The following CNTNAP2 variants were observed in gnomAD, a reference collection of about 807,000 sequenced individuals.
CNTNAP2 encodes contactin associated protein 2.
In CNTNAP2, 98 loss-of-function variants were observed where a neutral mutation model predicts 155.2. The observed-to-expected ratio is 0.63, with a 90% CI of 0.54 to 0.75. The LOEUF (loss-of-function observed/expected upper bound fraction) is 0.75. Among genes scored for constraint, CNTNAP2 ranks in the 30% least tolerant of loss-of-function variants. The probability of loss-of-function intolerance (pLI) is 0.00; values close to 1 mark genes in which losing one functional copy is unlikely to be tolerated. For missense variants in CNTNAP2, 1,727 were observed against 1,688.1 expected, an observed-to-expected ratio of 1.02 and a Z score of -0.40; for synonymous variants, 651 against 631.2, an observed-to-expected ratio of 1.03 and a Z score of -0.47.
At chr7:146,582,013 C>T (rs1454391164) in intron 1 of CNTNAP2, among the ~76,000 whole-genome samples, 1 of 152,110 alleles carries the variant, frequency 6.6e-6, no homozygotes, top group Admixed American at 6.5e-5. Flanking sequence ...CAGTGAAGAA[C>T]AAAAGAGTGA....
intron 14 of CNTNAP2, among the ~76,000 whole-genome samples, chr7:147,911,534 T>A (rs141522466): frequency 0.013 from 1,954 of 152,312 alleles, 49 homozygotes; most frequent in African/African-American, 0.044. Context: ...AAGTTGCAGC[T>A]GCACGTGGCA....
intron 1 of CNTNAP2, among the ~76,000 whole-genome samples, chr7:146,550,670 A>C (rs888538651): frequency 1.3e-5 from 2 of 152,138 alleles, no homozygotes; most frequent in South Asian, 2.1e-4. Flanking sequence ...GATTCTAATT[A>C]AGTATTAAGA....
intron 2 of CNTNAP2, among the ~76,000 whole-genome samples, chr7:146,838,262 A>C (rs778895103): frequency 1.1e-4 from 17 of 152,118 alleles, no homozygotes; most frequent in Non-Finnish European, 2.1e-4. Flanking sequence ...TATTTTATGG[A>C]TCACGTACTG....
At chr7:146,391,433 T>C (rs915292756) in intron 1 of CNTNAP2, among the ~76,000 whole-genome samples, 1 of 152,052 alleles carries the variant, frequency 6.6e-6, no homozygotes, top group Non-Finnish European at 1.5e-5. Flanking sequence ...CCCCTGTGTG[T>C]TTTTTGTGGG....
intron 1 of CNTNAP2, among the ~76,000 whole-genome samples, chr7:146,274,648 A>G (rs1381810839): frequency 6.6e-6 from 1 of 152,168 alleles, no homozygotes; most frequent in East Asian, 1.9e-4. Flanking sequence ...CAAGCCACCC[A>G]GGAGAGGCAG....
intron 10 of CNTNAP2, among the ~76,000 whole-genome samples, chr7:147,424,873 A>G (rs1280500737): frequency 6.6e-6 from 1 of 152,080 alleles, no homozygotes. Flanking sequence ...TTTGACCTTC[A>G]CATCCAGTCC....
At chr7:146,916,791 G>A (rs1796403504) in intron 3 of CNTNAP2, among the ~76,000 whole-genome samples, 1 of 151,766 alleles carries the variant, frequency 6.6e-6, no homozygotes, top group African/African-American at 2.4e-5. Context: ...TTTATCTTTT[G>A]TATTTTTTGT....
intron 1 of CNTNAP2, among the ~76,000 whole-genome samples, chr7:146,348,084 AC>A (rs1412539627): frequency 6.6e-6 from 1 of 152,120 alleles, no homozygotes; most frequent in African/African-American, 2.4e-5. Flanking sequence ...TAAACTTACT[AC>A]CACTCTATGA....
intron 16 of CNTNAP2, among the ~76,000 whole-genome samples, chr7:148,125,224 C>A (rs187304718): frequency 7.2e-4 from 109 of 152,166 alleles, no homozygotes; most frequent in African/African-American, 2.4e-3. Flanking sequence ...CTTAATCTCT[C>A]TCTGTCTCTT....
chr7:148,220,400 C>G (rs1585196722), intron 19 of CNTNAP2, among the ~76,000 whole-genome samples: 1 of 152,070 alleles, frequency 6.6e-6, no homozygotes, highest in East Asian at 1.9e-4. Context: ...TCGTGCCTGG[C>G]CAACATCATA....
At chr7:148,374,029 G>C (rs915862221) in intron 21 of CNTNAP2, among the ~76,000 whole-genome samples, 1 of 152,200 alleles carries the variant, frequency 6.6e-6, no homozygotes, top group African/African-American at 2.4e-5. Flanking sequence ...GTGACATGGA[G>C]CGTCAGTTAA....
Position 146,548,447 on chromosome 7 carries a change from C to T in CNTNAP2, c.98-225824C>T, listed in dbSNP as rs138728611. Among the ~76,000 whole-genome samples the T allele has an allele frequency of 2.5e-3, 383 of 152,044 alleles. 3 individuals carry two copies. The highest frequency in any genetic ancestry group is 9.3e-3 in the Admixed American group (142 of 15,218). ...GAATATACACTTTTGACTCAACAAT[C>T]CCATTACTGGGTATATACCCAAAGG... On this transcript the variant is annotated intron_variant, in intron 1 of 23. Coordinates refer to ENST00000361727, the MANE Select transcript of CNTNAP2 (RefSeq NM_014141.6).
At chr7:146,320,613 G>T (rs1800984268) in intron 1 of CNTNAP2, among the ~76,000 whole-genome samples, 1 of 152,026 alleles carries the variant, frequency 6.6e-6, no homozygotes, top group Non-Finnish European at 1.5e-5. Flanking sequence ...CATACTGAGG[G>T]TTTGGAGATA....
intron 11 of CNTNAP2, among the ~76,000 whole-genome samples, chr7:147,498,788 G>GTT (rs146690500): frequency 3.9e-5 from 6 of 152,020 alleles, no homozygotes; most frequent in East Asian, 3.9e-4. Flanking sequence ...CAAAGTGGTA[G>GTT]TTTTTTTTCC....
At chr7:147,464,740 G>T (rs562712289) in intron 10 of CNTNAP2, among the ~76,000 whole-genome samples, 3 of 152,270 alleles carry the variant, frequency 2.0e-5, no homozygotes, top group South Asian at 2.1e-4. Flanking sequence ...CAACAGAAAA[G>T]CATACACACA....
chr7:147,906,483 T>C (rs756807946), intron 14 of CNTNAP2, among the ~76,000 whole-genome samples: 12 of 150,894 alleles, frequency 8.0e-5, no homozygotes, highest in Non-Finnish European at 1.3e-4. Context: ...AGATCTTTAT[T>C]TTTTTTATTT....
chr7:147,581,316 A>T (rs1012480913), intron 12 of CNTNAP2, among the ~76,000 whole-genome samples: 1 of 152,216 alleles, frequency 6.6e-6, no homozygotes, highest in Non-Finnish European at 1.5e-5. Flanking sequence ...ACAGAAGTAA[A>T]AGTATTTATT....
intron 3 of CNTNAP2, among the ~76,000 whole-genome samples, chr7:146,947,870 C>A (rs1033072937): frequency 6.6e-6 from 1 of 151,816 alleles, no homozygotes; most frequent in African/African-American, 2.4e-5. Context: ...GGTGCCATTG[C>A]CCTGCAGCAT....
In CNTNAP2 at chr7:148,297,509, C is replaced by T. The variant is rs1168684012; in HGVS notation, c.3475+30383C>T. ...TGGGAGATTGCTCATTATGGAGAAC[C>T]ATAGAGGCATCTCAGTAAGAGGATG... On this transcript the variant is annotated intron_variant, in intron 21 of 23. Transcript: ENST00000361727. Among the ~76,000 whole-genome samples the T allele has an allele frequency of 5.3e-5, 8 of 152,088 alleles. No individual in the cohort carries two copies. The East Asian group carries it at 1.3e-3, about 26-fold the overall frequency.
Sources: gnomAD v4.1 joint callset for allele counts (sites outside exome capture counted in the v4.1 genomes callset) on GRCh38, gnomAD v4.1.1 for gene constraint, MANE v1.5 for transcripts, NCBI Gene and HGNC (gene_info 2026-07-23, HGNC 2026-07-21) for gene names.